QSER1: variants seen among roughly 807,000 people sequenced by gnomAD.
The protein encoded by QSER1 is glutamine and serine-rich protein 1.
In QSER1, 49 loss-of-function variants were observed where a neutral mutation model predicts 158.5. The ratio of observed to expected loss-of-function variants is 0.31; its 90% CI spans 0.25 to 0.39. QSER1 has a LOEUF of 0.39. Ranked by LOEUF, QSER1 falls within the 10% of genes least tolerant of loss-of-function variation. The pLI is 1.00. For synonymous variants in QSER1, 650 were observed against 715.5 expected (o/e 0.91, Z 1.46); for missense variants, 1,754 against 2,010.3 (o/e 0.87, Z 2.44).
chr11:32,967,192 C>T (rs760015538), intron 9 of QSER1, among the ~76,000 whole-genome samples: 1 of 152,116 alleles, frequency 6.6e-6, no homozygotes, highest in Non-Finnish European at 1.5e-5. Flanking sequence ...TTGGGTGGAA[C>T]TGGAGGTCAT....
intron 4 of QSER1, among the ~76,000 whole-genome samples, chr11:32,935,815 G>A (rs1852144719): frequency 6.6e-6 from 1 of 152,164 alleles, no homozygotes; most frequent in Non-Finnish European, 1.5e-5. Flanking sequence ...ATATGGTTAT[G>A]TTTAAATATG....
intron 4 of QSER1, among the ~76,000 whole-genome samples, chr11:32,950,297 C>T (rs1211895972): frequency 2.0e-5 from 3 of 152,018 alleles, no homozygotes; most frequent in Admixed American, 2.0e-4. Context: ...TTTTACCATG[C>T]TGGCCAGGCT....
intron 1 of QSER1, among the ~76,000 whole-genome samples, chr11:32,911,477 AG>A (rs969870039): frequency 3.3e-5 from 5 of 152,200 alleles, no homozygotes; most frequent in African/African-American, 1.2e-4. Context: ...AATAAGATAG[AG>A]TTGATCCCTA....
In QSER1 at chr11:32,957,948, TC is replaced by T; in HGVS notation, c.4833del (p.Val1612Ter). 1 of 1,614,068 alleles carries T rather than the reference TC, an allele frequency of 6.2e-7. No homozygotes were observed. Among genetic ancestry groups the T allele is most frequent in the Non-Finnish European group, 8.5e-7 (1 of 1,180,012 alleles). On this transcript the variant is annotated frameshift_variant, in exon 8 of 13. Transcript: ENST00000650167. LOFTEE classifies it high-confidence loss of function. The part of the protein sequence containing the change: ...ASKTTTTKAP[S>X]VKPKVKQPKV... ...AAAAACTACAACTACAAAAGCCCCT[TC>T]CGTGAAACCCAAAGTTAAACAGCCA...
intron 4 of QSER1, among the ~76,000 whole-genome samples, chr11:32,947,836 C>T (rs1305047488): frequency 6.6e-6 from 1 of 152,118 alleles, no homozygotes; most frequent in Non-Finnish European, 1.5e-5. Flanking sequence ...GTTAAATTTC[C>T]TTTTATCATA....
intron 8 of QSER1, among the ~76,000 whole-genome samples, chr11:32,960,292 CAT>C (rs1484185559): frequency 6.6e-6 from 1 of 152,144 alleles, no homozygotes; most frequent in Non-Finnish European, 1.5e-5. Context: ...CATGGTGGCT[CAT>C]GCCTGCAATC....
Position 32,932,382 on chromosome 11 carries a change from A to G in QSER1, c.1124A>G (p.Asn375Ser), listed in dbSNP as rs772132815. The change falls in exon 4 of 13, where the codon AAC becomes AGC. Residue 375 changes from asparagine to serine, a missense_variant. By Grantham distance (46) the Asn-to-Ser change is conservative. Coordinates refer to ENST00000650167, the MANE Select transcript of QSER1 (RefSeq NM_001076786.3). ...SPIGDSTQVSNGGLQQKTSQV... is the reference protein window; with the variant it reads ...SPIGDSTQVSSGGLQQKTSQV... ...ATTGGAGATTCCACTCAGGTGAGCA[A>G]CGGAGGATTACAACAGAAGACCTCC... The G allele has an allele frequency of 5.0e-6, 8 of 1,612,510 alleles. No individual in the cohort carries two copies. The Admixed American group carries it at 1.2e-4, about 24-fold the overall frequency.
rs1250026319 is a variant in QSER1 at position 32,942,030 on chromosome 11, C to A, written c.4177+6595C>A. On this transcript the variant is annotated intron_variant, in intron 4 of 12. Coordinates refer to ENST00000650167, the MANE Select transcript of QSER1 (RefSeq NM_001076786.3). Reference sequence around the variant, plus strand: ...TGTCTTTTGGCTGCATAAATGTCTTCTTTTGAGAAGTGTCTGTTCATGTCC... The same window carrying A: ...TGTCTTTTGGCTGCATAAATGTCTTATTTTGAGAAGTGTCTGTTCATGTCC... Among the ~76,000 whole-genome samples the A allele has an allele frequency of 3.1e-3, 469 of 150,082 alleles. 6 individuals carry two copies. Among genetic ancestry groups the A allele is most frequent in the East Asian group, 6.7e-3 (34 of 5,086 alleles).
At chr11:32,961,180 T>C (rs1203515217) in intron 8 of QSER1, among the ~76,000 whole-genome samples, 8 of 152,140 alleles carry the variant, frequency 5.3e-5, no homozygotes, top group African/African-American at 1.9e-4. Flanking sequence ...GTATCAAGAA[T>C]ATCCGTACTT....
rs1852066404 is a variant in QSER1 at position 32,932,529 on chromosome 11, C to T, written c.1271C>T (p.Pro424Leu). 1 of 1,614,034 alleles carries T rather than the reference C, an allele frequency of 6.2e-7. No individual in the cohort carries two copies. Among genetic ancestry groups the T allele is most frequent in the African/African-American group, 1.3e-5 (1 of 74,932 alleles). ...TEQPLTSTKT[P>L]KPQSIIPPVQ... is the part of the protein sequence containing the mutation. ...CAACCACTGACATCAACCAAGACCC[C>T]TAAACCTCAAAGTATAATTCCTCCT... Residue 424 changes from proline (P) to leucine (L), a missense_variant, in exon 4 of 13, where the codon CCT becomes CTT. Physicochemically the swap from Pro to Leu is moderately conservative, Grantham distance 98. This residue lies in a region of QSER1 where 1,707 missense variants were observed against 1,919.6 expected (regional missense o/e 0.89). Transcript: ENST00000650167.
At chr11:32,970,916 A>G (rs1852840368) in intron 10 of QSER1, among the ~76,000 whole-genome samples, 1 of 132,340 alleles carries the variant, frequency 7.6e-6, no homozygotes, top group Admixed American at 7.5e-5. Flanking sequence ...TTAGTTATTA[A>G]TTTTGATAAT....
chr11:32,915,234 A>T (rs898699605), intron 1 of QSER1, among the ~76,000 whole-genome samples: 2 of 151,906 alleles, frequency 1.3e-5, no homozygotes, highest in Non-Finnish European at 2.9e-5. Context: ...GAAAATTATA[A>T]TTTTTTTTTA....
chr11:32,954,030 G>A lies in QSER1; in HGVS notation c.4351G>A (p.Gly1451Ser), dbSNP rs762685964. 6.2e-7 allele frequency: 1 copy of A among 1,614,106 alleles called. No individual in the cohort carries two copies. The highest frequency in any genetic ancestry group is 2.2e-5 in the East Asian group (1 of 44,870). The stretch of plus-strand genomic sequence containing the variant: ...ATCCTCAAAGCCCATTGAACTTGAT[G>A]GTCTTCCTTCAGACCAGTTTGCAAA... ...SESSKPIELD[G>S]LPSDQFAKGQ... Residue 1451 changes from glycine to serine, a missense_variant, in exon 5 of 13, where the codon GGT (glycine) becomes AGT (serine). Gly to Ser is a moderately conservative substitution (Grantham distance 56, BLOSUM62 0). Transcript: ENST00000650167.
chr11:32,957,300 C>A (rs548345575), intron 7 of QSER1, among the ~76,000 whole-genome samples: 37 of 151,832 alleles, frequency 2.4e-4, no homozygotes, highest in Non-Finnish European at 5.1e-4. Context: ...CGCCACCACT[C>A]CCAGCTGGTT....
intron 4 of QSER1, among the ~76,000 whole-genome samples, chr11:32,943,429 G>A (rs1389122494): frequency 6.6e-6 from 1 of 151,632 alleles, no homozygotes; most frequent in African/African-American, 2.4e-5. Flanking sequence ...ATTTATTGAG[G>A]GTTTTTAGCA....
chr11:32,909,259 T>C (rs1475454619), intron 1 of QSER1, among the ~76,000 whole-genome samples: 2 of 152,244 alleles, frequency 1.3e-5, no homozygotes, highest in African/African-American at 2.4e-5. Context: ...TTGAAAAGTT[T>C]AGCATGTTTG....
intron 1 of QSER1, among the ~76,000 whole-genome samples, chr11:32,924,778 TGCAGGTTTGTTACA>T (rs145000210): frequency 0.019 from 2,831 of 152,246 alleles, 44 homozygotes; most frequent in South Asian, 0.038. Context: ...GGGGTACATG[TGCAGGTTTGTTACA>T]GCATGATGCT....
chr11:32,902,552 A>G (rs942139235), intron 1 of QSER1, among the ~76,000 whole-genome samples: 2 of 152,226 alleles, frequency 1.3e-5, no homozygotes, highest in Non-Finnish European at 2.9e-5. Flanking sequence ...CCAGATCTAA[A>G]GTCCCACCAG....
chr11:32,916,938 C>T (rs1198965672), intron 1 of QSER1, among the ~76,000 whole-genome samples: 1 of 152,192 alleles, frequency 6.6e-6, no homozygotes, highest in Non-Finnish European at 1.5e-5. Context: ...AGATGCATGC[C>T]ACCACACCCA....
Sources: gnomAD v4.1 joint callset for allele counts (sites outside exome capture counted in the v4.1 genomes callset) on GRCh38, gnomAD v4.1.1 for gene constraint, gnomAD v4.1.1 regional missense constraint, MANE v1.5 for transcripts, NCBI Gene and HGNC (gene_info 2026-07-23, HGNC 2026-07-21) for gene names.